Variants in CHD8 observed in about 807,000 individuals in gnomAD.
CHD8 encodes the protein ATP-dependent chromatin remodeler CHD8.
Under a neutral mutation model 279.2 loss-of-function variants are expected in CHD8, and 31 were observed. The observed-to-expected ratio is 0.11, with a 90% CI of 0.08 to 0.15. The LOEUF is 0.15. Among genes scored for constraint, CHD8 ranks in the 10% least tolerant of loss-of-function variants. The pLI, the probability that CHD8 is intolerant of heterozygous loss-of-function variation, is 1.00. For synonymous variants in CHD8, 1,081 were observed against 1,139.6 expected, an observed-to-expected ratio of 0.95 and a Z score of 1.04; for missense variants, 2,146 against 3,230.5, an observed-to-expected ratio of 0.66 and a Z score of 8.14.
At chr14:21,438,352 C>T (rs1192313504) in intron 1 of CHD8, among the ~76,000 whole-genome samples, 2 of 151,854 alleles carry the variant, frequency 1.3e-5, no homozygotes, top group Non-Finnish European at 2.9e-5. Flanking sequence ...TGAGCCATCA[C>T]GCCCAGCCAG....
chr14:21,406,316 T>A (rs1888253089), intron 14 of CHD8, among the ~76,000 whole-genome samples: 1 of 152,210 alleles, frequency 6.6e-6, no homozygotes, highest in African/African-American at 2.4e-5. Context: ...GTAGCAAAAG[T>A]GACACTGTGT....
chr14:21,399,895 C>T (rs1887955362), intron 25 of CHD8, 86 bp downstream of exon 25: 6 of 1,216,372 alleles, frequency 4.9e-6, no homozygotes, highest in Non-Finnish European at 7.3e-6. Flanking sequence ...TCAGGTATCC[C>T]AAAGATAGCA....
intron 5 of CHD8, chr14:21,425,612 A>C (rs1347182303): frequency 6.6e-6 from 1 of 152,284 alleles, no homozygotes. Context: ...GGTGTGAGCC[A>C]CCACGCCTGG....
Position 21,400,995 on chromosome 14 carries a change from A to C in CHD8, c.4250T>G (p.Val1417Gly). 1 of 1,613,998 alleles carries C rather than the reference A, an allele frequency of 6.2e-7. No homozygotes were observed. Among genetic ancestry groups the C allele is most frequent in the Non-Finnish European group, 8.5e-7 (1 of 1,179,882 alleles). ...HFSTLKDDDL[V>G]EFSDLESEDD... ...CTCACTTTCCAAATCAGAGAATTCC[A>C]CCAGGTCATCATCTTTCAGAGTGCT... The change falls in exon 22 of 38, where the codon GTG becomes GGG. Residue 1417 changes from valine (V) to glycine (G), a missense_variant. Around this residue, in one of 26 missense-constraint regions of CHD8, gnomAD observed 74 missense variants for 91.5 expected, o/e 0.81. Transcript: ENST00000646647. This position sits in a 1 kb window ranked among gnomAD's most constrained non-coding sequence, Gnocchi z 4.2.
chr14:21,386,993 C>CA (rs1887277606), intron 37 of CHD8, among the ~76,000 whole-genome samples: 1 of 152,036 alleles, frequency 6.6e-6, no homozygotes, highest in Non-Finnish European at 1.5e-5. Flanking sequence ...TCTAGAACAC[C>CA]AAAAAACTGT....
chr14:21,444,497 T>C (rs1382573682), intron 1 of CHD8, among the ~76,000 whole-genome samples: 1 of 152,178 alleles, frequency 6.6e-6, no homozygotes, highest in Non-Finnish European at 1.5e-5. Context: ...TTCAACTAAA[T>C]GGCTTTGGTC....
Position 21,431,704 on chromosome 14 carries a change from C to A in CHD8, c.-61G>T, listed in dbSNP as rs907908089. On this transcript the variant is annotated 5_prime_UTR_variant, in exon 2 of 38. Coordinates refer to ENST00000646647, the MANE Select transcript of CHD8 (RefSeq NM_001170629.2). ...TAGGGAGGGAAGGGGAGGGGGGGTACTGGCTCTCCCCTCCCCTCCCCTATT... is the reference window on the plus strand; with the variant it reads ...TAGGGAGGGAAGGGGAGGGGGGGTAATGGCTCTCCCCTCCCCTCCCCTATT... The A allele has an allele frequency of 6.2e-7, 1 of 1,600,186 alleles. No individual in the cohort carries two copies. The highest frequency in any genetic ancestry group is 1.3e-5 in the African/African-American group (1 of 74,678).
intron 16 of CHD8, chr14:21,404,976 T>C: frequency 1.9e-6 from 1 of 514,626 alleles, no homozygotes; most frequent in South Asian, 2.4e-5. Flanking sequence ...GAACCACAGA[T>C]GCCTGCCATC....
At position 21,393,384 on chromosome 14, in the gene CHD8, C is replaced by A. The variant is rs1488201885; in HGVS notation, c.6319+92G>T. ...TTTGACATTTTATCAAATCAAAATC[C>A]AAATCTCTCTCAAGAGGATGCATTT... On this transcript the variant is annotated intron_variant, in intron 32 of 37. Coordinates refer to ENST00000646647, the MANE Select transcript of CHD8 (RefSeq NM_001170629.2). The A allele has an allele frequency of 2.7e-6, 4 of 1,504,064 alleles. No homozygotes were observed. The African/African-American group carries it at 5.6e-5, about 21-fold the overall frequency. 93.2% of individuals were successfully genotyped at this position (1,504,064 alleles called of 1,614,324 possible).
At chr14:21,401,261 G>A in intron 21 of CHD8, 142 bp downstream of exon 21, 1 of 742,966 alleles carries the variant, frequency 1.3e-6, no homozygotes, top group Non-Finnish European at 2.1e-6. Flanking sequence ...GGGCCTCCTA[G>A]GTAGAAAGTA....
At chr14:21,388,671 A>G (rs1017363341) in intron 37 of CHD8, among the ~76,000 whole-genome samples, 5 of 151,968 alleles carry the variant, frequency 3.3e-5, no homozygotes, top group Non-Finnish European at 7.4e-5. Flanking sequence ...TTTTGTAGAG[A>G]TAAGGTCCCA....
intron 1 of CHD8, among the ~76,000 whole-genome samples, chr14:21,440,854 G>T (rs574770740): frequency 1.3e-5 from 2 of 152,114 alleles, no homozygotes; most frequent in Non-Finnish European, 2.9e-5. Context: ...CTGGCTCTAG[G>T]GGGTGAGAGG....
intron 1 of CHD8, chr14:21,436,850 GGA>G (rs1339605357): frequency 1.4e-6 from 1 of 712,112 alleles, no homozygotes; most frequent in Admixed American, 2.4e-5. Flanking sequence ...AGGGGTTGAT[GGA>G]GAGGAAAACG....
At chr14:21,422,847 C>T (rs1321465905) in intron 5 of CHD8, among the ~76,000 whole-genome samples, 2 of 151,928 alleles carry the variant, frequency 1.3e-5, no homozygotes, top group East Asian at 1.9e-4. Context: ...GAAAATTGCT[C>T]GAACCTGGGA....
intron 4 of CHD8, chr14:21,427,537 T>C: frequency 8.0e-7 from 1 of 1,251,914 alleles, no homozygotes; most frequent in Non-Finnish European, 1.0e-6. Flanking sequence ...CCCATCACAA[T>C]AGCAAGGAGC....
Position 21,400,405 on chromosome 14 carries a change from A to G in CHD8, c.4570+8T>C, listed in dbSNP as rs750289407. On this transcript the variant is annotated splice_region_variant and intron_variant, in intron 23 of 37. Transcript: ENST00000646647. This position sits in a 1 kb window ranked among gnomAD's most constrained non-coding sequence, Gnocchi z 4.2. ...TAGAAAAACATAAAGTAAAGAGTTG[A>G]TAATTACCTGAATGATTCTGCAATT... is the stretch of plus-strand genomic sequence containing the variant. 2 of 1,599,782 alleles carry G rather than the reference A, an allele frequency of 1.3e-6. No homozygotes were observed. Among genetic ancestry groups the G allele is most frequent in the African/African-American group, 1.4e-5 (1 of 73,868 alleles).
chr14:21,437,324 T>G lies in CHD8; in HGVS notation c.-215-5466A>C. On this transcript the variant is annotated intron_variant, in intron 1 of 37. Coordinates refer to ENST00000646647, the MANE Select transcript of CHD8 (RefSeq NM_001170629.2). ...ATCATTGGCTGAAGCGCACTGCCAC[T>G]CACCAAAGGCGAAAAGACGCAAAAC... The G allele has an allele frequency of 2.8e-6, 3 of 1,068,600 alleles. No individual in the cohort carries two copies. In the African/African-American group the frequency reaches 5.0e-5, roughly 18 times the overall value. The allele number at this position is 1,068,600 out of a possible 1,614,324, so 66.2% of individuals were successfully genotyped here.
At chr14:21,447,472 A>T (rs1226638351) in intron 1 of CHD8, among the ~76,000 whole-genome samples, 1 of 151,818 alleles carries the variant, frequency 6.6e-6, no homozygotes, top group Non-Finnish European at 1.5e-5. Context: ...CCAGAGTTCA[A>T]GTTATTCTCC....
At chr14:21,399,837 A>G in intron 25 of CHD8, 132 bp from the exon 26 acceptor site, 1 of 935,706 alleles carries the variant, frequency 1.1e-6, no homozygotes, top group Non-Finnish European at 1.7e-6. Flanking sequence ...ATTTCCTCCC[A>G]CTAGTGTCAA....
Sources: gnomAD v4.1 joint callset for allele counts (sites outside exome capture counted in the v4.1 genomes callset) on GRCh38, gnomAD v4.1.1 for gene constraint, gnomAD v4.1.1 regional missense constraint, Gnocchi (gnomAD v3.1) non-coding constraint, MANE v1.5 for transcripts, NCBI Gene and HGNC (gene_info 2026-07-23, HGNC 2026-07-21) for gene names.